ITK: variants seen among roughly 807,000 people sequenced by gnomAD.
ITK encodes the protein IL2 inducible T cell kinase, also known as tyrosine-protein kinase ITK/TSK.
In ITK, 45 loss-of-function variants were observed where a neutral mutation model predicts 87.6. That is an observed-to-expected ratio of 0.51 (90% CI 0.40 to 0.66). The LOEUF (loss-of-function observed/expected upper bound fraction) is 0.66. Among genes scored for constraint, ITK ranks in the 30% least tolerant of loss-of-function variants. The probability of loss-of-function intolerance (pLI) is 0.00; values close to 1 mark genes in which losing one functional copy is unlikely to be tolerated. For synonymous variants in ITK, 303 were observed against 273.6 expected, an observed-to-expected ratio of 1.11 and a Z score of -1.06; for missense variants, 605 against 766.3, an observed-to-expected ratio of 0.79 and a Z score of 2.48.
intron 1 of ITK, among the ~76,000 whole-genome samples, chr5:157,194,370 G>T (rs898561595): frequency 6.6e-6 from 1 of 152,150 alleles, no homozygotes; most frequent in African/African-American, 2.4e-5. Flanking sequence ...GACAAGGAAA[G>T]ATGCTGTATC....
intron 2 of ITK, among the ~76,000 whole-genome samples, chr5:157,210,529 TG>T (rs1331808829): frequency 3.4e-5 from 3 of 87,544 alleles, no homozygotes; most frequent in African/African-American, 1.0e-4. Flanking sequence ...GACAATCTCT[TG>T]GTTTTTTTTT....
intron 15 of ITK, among the ~76,000 whole-genome samples, chr5:157,247,095 A>T (rs1028857299): frequency 2.0e-5 from 3 of 152,206 alleles, no homozygotes; most frequent in African/African-American, 7.2e-5. Flanking sequence ...ATTCGGTATG[A>T]AGGAAGGGTT....
At chr5:157,209,521 GT>G (rs1754146951) in intron 2 of ITK, among the ~76,000 whole-genome samples, 1 of 152,104 alleles carries the variant, frequency 6.6e-6, no homozygotes, top group South Asian at 2.1e-4. Context: ...TGAAAAGGTG[GT>G]TATTCCTTAT....
intron 4 of ITK, among the ~76,000 whole-genome samples, chr5:157,215,926 G>T (rs1481877252): frequency 6.6e-6 from 1 of 152,232 alleles, no homozygotes; most frequent in Non-Finnish European, 1.5e-5. Context: ...TGACTGAGGT[G>T]CTAGGGACAT....
intron 6 of ITK, among the ~76,000 whole-genome samples, chr5:157,227,674 T>C (rs990066506): frequency 1.3e-5 from 2 of 152,162 alleles, no homozygotes; most frequent in African/African-American, 2.4e-5. Context: ...TAATCTTTTT[T>C]TCCAGTAGAG....
At chr5:157,233,735 A>T (rs1198836719) in intron 8 of ITK, among the ~76,000 whole-genome samples, 1 of 151,860 alleles carries the variant, frequency 6.6e-6, no homozygotes, top group African/African-American at 2.4e-5. Flanking sequence ...TAAAACTCTG[A>T]ATTACACTGT....
At position 157,252,654 on chromosome 5, in the gene ITK, T is replaced by A; in HGVS notation, c.1839T>A (p.Ala613=). 6.2e-7 allele frequency: 1 copy of A among 1,613,994 alleles called. No homozygotes were observed. Among genetic ancestry groups the A allele is most frequent in the Non-Finnish European group, 8.5e-7 (1 of 1,179,844 alleles). ...PAFSRLLRQL[A]EIAESGL ...TCTCCAGACTGCTGCGTCAACTGGC[T>A]GAAATTGCAGAATCAGGACTTTAGT... Residue 613 remains alanine, a synonymous_variant, in exon 17 of 17, where the codon GCT becomes GCA. Coordinates refer to ENST00000422843, the MANE Select transcript of ITK (RefSeq NM_005546.4).
chr5:157,238,033 G>A, intron 8 of ITK, 76 bp from the exon 9 acceptor site: 1 of 1,087,734 alleles, frequency 9.2e-7, no homozygotes, highest in Non-Finnish European at 1.4e-6. Flanking sequence ...TCCTTCTGTG[G>A]GCAAGAAAGT....
chr5:157,181,248 T>G (rs1398840439), intron 1 of ITK, 133 bp downstream of exon 1: 1 of 1,010,206 alleles, frequency 9.9e-7, no homozygotes, highest in East Asian at 2.4e-5. Context: ...ACATAAAAAG[T>G]ACAGTAAAAG....
At chr5:157,187,328 A>G (rs1753664370) in intron 1 of ITK, among the ~76,000 whole-genome samples, 1 of 152,238 alleles carries the variant, frequency 6.6e-6, no homozygotes, top group South Asian at 2.1e-4. Context: ...GCCAGTGTCT[A>G]CAAGAGTGTC....
intron 1 of ITK, among the ~76,000 whole-genome samples, chr5:157,200,928 A>G (rs1753957659): frequency 6.6e-6 from 1 of 152,246 alleles, no homozygotes; most frequent in African/African-American, 2.4e-5. Flanking sequence ...AGATATGCAC[A>G]AAATATACAA....
chr5:157,205,699 G>A (rs143835700), intron 1 of ITK, among the ~76,000 whole-genome samples: 147 of 152,264 alleles, frequency 9.7e-4, no homozygotes, highest in Middle Eastern at 3.4e-3. Context: ...CAAGGGGAAC[G>A]CCTTCAGCTT....
intron 1 of ITK, among the ~76,000 whole-genome samples, chr5:157,182,765 T>C (rs1244804689): frequency 3.9e-5 from 6 of 152,256 alleles, no homozygotes; most frequent in Non-Finnish European, 1.5e-5. Context: ...TTCGTTTTTC[T>C]GATTCAACAT....
At chr5:157,194,000 G>A (rs1236496210) in intron 1 of ITK, among the ~76,000 whole-genome samples, 2 of 152,152 alleles carry the variant, frequency 1.3e-5, no homozygotes, top group Admixed American at 6.5e-5. Flanking sequence ...TTGTTTTGGT[G>A]AGGAAGCAAT....
rs1347087904 is a variant in ITK, at chr5:157,238,114, A to G, written c.774A>G (p.Lys258=). The change falls in exon 9 of 17, where the codon AAA becomes AAG. Residue 258 remains lysine, a synonymous_variant. Coordinates refer to ENST00000422843, the MANE Select transcript of ITK (RefSeq NM_005546.4). ...KAEKLLLDTG[K]EGAFMVRDSR... Reference sequence around the variant, plus strand: ...ATTCTTTCTAACCATTCCAGGGCAAAGAAGGAGCCTTCATGGTAAGGGATT... The same window carrying G: ...ATTCTTTCTAACCATTCCAGGGCAAGGAAGGAGCCTTCATGGTAAGGGATT... 6.2e-7 allele frequency: 1 copy of G among 1,612,628 alleles called. No individual in the cohort carries two copies. Among genetic ancestry groups the G allele is most frequent in the African/African-American group, 1.3e-5 (1 of 74,878 alleles).
intron 1 of ITK, among the ~76,000 whole-genome samples, chr5:157,185,431 C>T (rs945822568): frequency 6.6e-6 from 1 of 151,786 alleles, no homozygotes; most frequent in African/African-American, 2.4e-5. Context: ...TTAGTAGAGA[C>T]GGGGTTTCAC....
intron 1 of ITK, among the ~76,000 whole-genome samples, chr5:157,202,947 A>G (rs1055713228): frequency 6.6e-6 from 1 of 152,116 alleles, no homozygotes. Context: ...CCTCATCACA[A>G]TGCTGCTAGG....
In ITK at chr5:157,203,832, A is replaced by G. The variant is rs568878659; in HGVS notation, c.139-5057A>G. Among the ~76,000 whole-genome samples, 3 of 152,362 alleles carry G rather than the reference A, an allele frequency of 2.0e-5. 1 individual carries two copies. The East Asian group carries it at 5.8e-4, about 29-fold the overall frequency. On this transcript the variant is annotated intron_variant, in intron 1 of 16. Transcript: ENST00000422843. ...GCATTAGACTACAAAAGCAAGTTCT[A>G]GACTGATATGTAGAGCAAGACACTC...
chr5:157,181,566 T>C (rs1269090186), intron 1 of ITK, among the ~76,000 whole-genome samples: 1 of 152,208 alleles, frequency 6.6e-6, no homozygotes, highest in Non-Finnish European at 1.5e-5. Context: ...AACTGGTGTT[T>C]AGAATGGTTA....
Sources: allele counts gnomAD v4.1 joint callset (sites outside exome capture counted in the v4.1 genomes callset), GRCh38; gene constraint gnomAD v4.1.1; transcripts MANE v1.5; gene names NCBI Gene and HGNC (gene_info 2026-07-23, HGNC 2026-07-21).